The following TMEM132D variants were observed in gnomAD, a reference collection of about 807,000 sequenced individuals.
TMEM132D encodes the protein transmembrane protein 132D.
A neutral mutation model predicts 62.3 loss-of-function variants in TMEM132D; 21 were observed. The ratio of observed to expected loss-of-function variants is 0.34; its 90% CI spans 0.24 to 0.49. TMEM132D has a LOEUF of 0.49. TMEM132D is among the 20% of genes least tolerant of loss of function. TMEM132D has a pLI of 0.99. For synonymous variants in TMEM132D, 621 were observed against 575.6 expected, an observed-to-expected ratio of 1.08 and a Z score of -1.13; for missense variants, 1,346 against 1,402.8, an observed-to-expected ratio of 0.96 and a Z score of 0.65.
At chr12:129,676,838 AATCT>A (rs1264146637) in intron 2 of TMEM132D, among the ~76,000 whole-genome samples, 2 of 151,900 alleles carry the variant, frequency 1.3e-5, no homozygotes, top group Admixed American at 6.6e-5. Context: ...CTATCTACCT[AATCT>A]ATCTTTCTAT....
chr12:129,505,471 C>G (rs1368879347), intron 3 of TMEM132D, among the ~76,000 whole-genome samples: 1 of 152,080 alleles, frequency 6.6e-6, no homozygotes, highest in African/African-American at 2.4e-5. Flanking sequence ...TCTTGATCTC[C>G]TGACCTTGTG....
chr12:129,633,661 T>G (rs1447003246), intron 2 of TMEM132D, among the ~76,000 whole-genome samples: 3 of 152,068 alleles, frequency 2.0e-5, no homozygotes, highest in African/African-American at 7.2e-5. Flanking sequence ...ATGGTGAGAG[T>G]GTGATGGATG....
chr12:129,694,836 G>A (rs1881159123), intron 2 of TMEM132D, among the ~76,000 whole-genome samples: 3 of 152,026 alleles, frequency 2.0e-5, no homozygotes, highest in South Asian at 4.1e-4. Context: ...GTGAAACCCC[G>A]TCTCTACTAA....
intron 1 of TMEM132D, among the ~76,000 whole-genome samples, chr12:129,737,466 C>CA (rs1309231457): frequency 1.3e-5 from 2 of 152,282 alleles, no homozygotes; most frequent in East Asian, 3.9e-4. Flanking sequence ...AAGGAATCTC[C>CA]AGGCTTGCAT....
chr12:129,678,197 T>C (rs1880686362), intron 2 of TMEM132D, among the ~76,000 whole-genome samples: 1 of 152,156 alleles, frequency 6.6e-6, no homozygotes, highest in Non-Finnish European at 1.5e-5. Context: ...AGTGGAAATA[T>C]GGGGTCATAT....
chr12:129,073,847 TGAG>T lies in TMEM132D; in HGVS notation c.*25_*27del. ...CTGGAATTAAAGGCTGAAAGGTGAG[TGAG>T]AACCAATGTCTGTGTGTGTCTGGCT... On this transcript the variant is annotated 3_prime_UTR_variant, in exon 9 of 9. Coordinates refer to ENST00000422113, the MANE Select transcript of TMEM132D (RefSeq NM_133448.3). 1 of 1,499,248 alleles carries T rather than the reference TGAG, an allele frequency of 6.7e-7. No homozygotes were observed. Among genetic ancestry groups the T allele is most frequent in the Non-Finnish European group, 8.9e-7 (1 of 1,118,518 alleles). The allele number at this position is 1,499,248 out of a possible 1,614,324, so 92.9% of individuals were successfully genotyped here. A position where few individuals can be genotyped will look rare whatever the true frequency, so the allele number is the denominator to read the frequency against.
chr12:129,822,826 G>C (rs1872572465), intron 1 of TMEM132D, among the ~76,000 whole-genome samples: 1 of 152,118 alleles, frequency 6.6e-6, no homozygotes, highest in Non-Finnish European at 1.5e-5. Flanking sequence ...ATCTCCACCT[G>C]GTCTTGCCCT....
At chr12:129,742,253 C>T (rs186086129) in intron 1 of TMEM132D, among the ~76,000 whole-genome samples, 172 of 152,296 alleles carry the variant, frequency 1.1e-3, no homozygotes, top group Middle Eastern at 6.8e-3. Context: ...TTATTTGGCA[C>T]ACAGTTCTGC....
chr12:129,306,234 C>CA (rs1881843349), intron 4 of TMEM132D, among the ~76,000 whole-genome samples: 1 of 152,208 alleles, frequency 6.6e-6, no homozygotes, highest in African/African-American at 2.4e-5. Flanking sequence ...TGTCTATTTT[C>CA]ACAACATCCA....
At chr12:129,212,010 A>G (rs2135568332) in intron 4 of TMEM132D, 1 of 152,332 alleles carries the variant, frequency 6.6e-6, no homozygotes, top group East Asian at 1.9e-4. Flanking sequence ...AAGTGGAACA[A>G]TGCTGTTTAA....
intron 3 of TMEM132D, among the ~76,000 whole-genome samples, chr12:129,475,972 C>T (rs1874244300): frequency 6.6e-6 from 1 of 152,176 alleles, no homozygotes; most frequent in African/African-American, 2.4e-5. Flanking sequence ...AGAATGGAGT[C>T]AAGTTTTATG....
chr12:129,815,465 G>A lies in TMEM132D; in HGVS notation c.79+87796C>T, dbSNP rs1872317686. 2.0e-5 allele frequency among the ~76,000 whole-genome samples: 3 copies of A among 152,182 alleles called. No homozygotes were observed. The South Asian group carries it at 6.2e-4, about 32-fold the overall frequency. On this transcript the variant is annotated intron_variant, in intron 1 of 8. Coordinates refer to ENST00000422113, the MANE Select transcript of TMEM132D (RefSeq NM_133448.3). ...GTGCAGAAATCACAACCGAACCCAA[G>A]CCTACAGCTATTCTGGGGGGGTGAC...
chr12:129,833,087 G>A (rs993723180), intron 1 of TMEM132D, among the ~76,000 whole-genome samples: 4 of 152,328 alleles, frequency 2.6e-5, no homozygotes, highest in Admixed American at 2.0e-4. Context: ...TCGTGCCTGA[G>A]TGCAGGCTGT....
chr12:129,409,899 ACT>A (rs1039077195), intron 3 of TMEM132D, among the ~76,000 whole-genome samples: 6 of 152,110 alleles, frequency 3.9e-5, no homozygotes, highest in Admixed American at 2.6e-4. Flanking sequence ...CATAGCAGAG[ACT>A]CTGCTTGATG....
At chr12:129,579,858 A>C (rs1197483085) in intron 2 of TMEM132D, among the ~76,000 whole-genome samples, 2 of 152,210 alleles carry the variant, frequency 1.3e-5, no homozygotes, top group Non-Finnish European at 2.9e-5. Flanking sequence ...AATATTAACC[A>C]TCACAATGAG....
chr12:129,830,127 C>T (rs1310676052), intron 1 of TMEM132D, among the ~76,000 whole-genome samples: 1 of 152,140 alleles, frequency 6.6e-6, no homozygotes, highest in Non-Finnish European at 1.5e-5. Context: ...AGGCTGATGG[C>T]AATATCTACT....
In TMEM132D at chr12:129,129,623, C is replaced by G. The variant is rs117762399; in HGVS notation, c.1444-44921G>C. Among the ~76,000 whole-genome samples the G allele has an allele frequency of 3.4e-3, 525 of 152,286 alleles. 1 individual carries two copies. Among genetic ancestry groups the G allele is most frequent in the Middle Eastern group, 0.017 (5 of 294 alleles). ...TTCCTACCAACAGTGTATAAGAGTT[C>G]CCTTTTTGCACAGCCTCGCCAGCTC... On this transcript the variant is annotated intron_variant, in intron 5 of 8. Transcript: ENST00000422113.
intron 2 of TMEM132D, among the ~76,000 whole-genome samples, chr12:129,621,878 G>A (rs1879080531): frequency 6.6e-6 from 1 of 152,144 alleles, no homozygotes; most frequent in Non-Finnish European, 1.5e-5. Flanking sequence ...CTCCCTTTAT[G>A]GATGCTCTTC....
At chr12:129,244,343 G>A (rs1023770878) in intron 4 of TMEM132D, among the ~76,000 whole-genome samples, 5 of 143,512 alleles carry the variant, frequency 3.5e-5, no homozygotes, top group Non-Finnish European at 7.5e-5. Context: ...CCGAGATCGC[G>A]CCACTGCACT....
Sources: gnomAD v4.1 joint callset for allele counts (sites outside exome capture counted in the v4.1 genomes callset) on GRCh38, gnomAD v4.1.1 for gene constraint, MANE v1.5 for transcripts, NCBI Gene and HGNC (gene_info 2026-07-23, HGNC 2026-07-21) for gene names.